Variants in MAF observed in about 807,000 individuals in gnomAD.
MAF encodes the protein transcription factor Maf.
Under a neutral mutation model 22.0 loss-of-function variants are expected in MAF, and 10 were observed. The ratio of observed to expected loss-of-function variants is 0.45; its 90% CI spans 0.28 to 0.77. The LOEUF (loss-of-function observed/expected upper bound fraction) is 0.77. Ranked by LOEUF, MAF falls within the 30% of genes least tolerant of loss-of-function variation. The pLI, the probability that MAF is intolerant of heterozygous loss-of-function variation, is 0.12. For missense variants in MAF, 544 were observed against 548.4 expected (o/e 0.99, Z 0.08); for synonymous variants, 337 against 255.8 (o/e 1.32, Z -3.03).
At chr16:79,382,958 T>C in the MAF span, among the ~76,000 whole-genome samples, 2 of 152,244 alleles carry the variant, frequency 1.3e-5, no homozygotes, top group African/African-American at 2.4e-5. Context: ...CATTCATTCA[T>C]TCATTCATTC....
chr16:79,297,862 C>T, the MAF span, among the ~76,000 whole-genome samples: 8 of 152,146 alleles, frequency 5.3e-5, no homozygotes, highest in South Asian at 2.1e-4. Context: ...TAGAGCAGGG[C>T]GCCCACACCC....
At chr16:79,340,524 C>T in the MAF span, among the ~76,000 whole-genome samples, 1 of 151,574 alleles carries the variant, frequency 6.6e-6, no homozygotes, top group African/African-American at 2.4e-5. Flanking sequence ...GACAGAAAAA[C>T]AGCCAACAGC....
At chr16:79,369,160 T>C in the MAF span, among the ~76,000 whole-genome samples, 1 of 152,198 alleles carries the variant, frequency 6.6e-6, no homozygotes, top group Admixed American at 6.5e-5. Flanking sequence ...ATGAGGCAAC[T>C]AGAAGTTAGA....
the MAF span, among the ~76,000 whole-genome samples, chr16:79,277,082 G>A: frequency 1.3e-5 from 2 of 152,076 alleles, no homozygotes; most frequent in African/African-American, 4.8e-5. Flanking sequence ...CTGTGCCCCA[G>A]GCTGGAGAGC....
the MAF span, among the ~76,000 whole-genome samples, chr16:79,462,293 G>A: frequency 6.6e-6 from 1 of 152,138 alleles, no homozygotes; most frequent in Non-Finnish European, 1.5e-5. Context: ...CCATTTTTAG[G>A]TGAGGAAACT....
At chr16:79,306,485 G>A in the MAF span, among the ~76,000 whole-genome samples, 1 of 152,288 alleles carries the variant, frequency 6.6e-6, no homozygotes, top group Non-Finnish European at 1.5e-5. Flanking sequence ...TGGCCTCCTG[G>A]TAGAGAGGAA....
chr16:79,264,840 A>C, the MAF span, among the ~76,000 whole-genome samples: 1 of 152,250 alleles, frequency 6.6e-6, no homozygotes, highest in Admixed American at 6.5e-5. Flanking sequence ...TGCCTTCGTC[A>C]TACTTTTGAG....
chr16:79,214,342 T>C, the MAF span, among the ~76,000 whole-genome samples: 1 of 152,186 alleles, frequency 6.6e-6, no homozygotes, highest in African/African-American at 2.4e-5. Flanking sequence ...ACTGAAAGAA[T>C]GATTCTGGGT....
the MAF span, among the ~76,000 whole-genome samples, chr16:79,468,923 C>A: frequency 6.6e-6 from 1 of 152,114 alleles, no homozygotes; most frequent in Non-Finnish European, 1.5e-5. Flanking sequence ...TGCCTTCAAT[C>A]AATCGTGGGC....
chr16:79,312,625 G>A, the MAF span, among the ~76,000 whole-genome samples: 1 of 152,160 alleles, frequency 6.6e-6, no homozygotes. Context: ...CCAATACCTA[G>A]GACCGTCTCT....
chr16:79,211,008 G>A, the MAF span, among the ~76,000 whole-genome samples: 2 of 147,326 alleles, frequency 1.4e-5, no homozygotes, highest in Non-Finnish European at 3.0e-5. Flanking sequence ...TTATGTGTTT[G>A]TGCTAAGTAT....
the MAF span, among the ~76,000 whole-genome samples, chr16:79,398,283 C>A: frequency 2.0e-5 from 3 of 152,154 alleles, no homozygotes; most frequent in African/African-American, 7.2e-5. Context: ...GGATAATCTC[C>A]CCAAGGTCAA....
chr16:79,366,178 T>C, the MAF span, among the ~76,000 whole-genome samples: 20 of 152,216 alleles, frequency 1.3e-4, no homozygotes, highest in Non-Finnish European at 2.2e-4. Flanking sequence ...AGCCTGGGAA[T>C]AGTATCAGGA....
the MAF span, among the ~76,000 whole-genome samples, chr16:79,340,034 G>A: frequency 6.6e-6 from 1 of 152,180 alleles, no homozygotes; most frequent in African/African-American, 2.4e-5. Context: ...ATGGACTGCA[G>A]CGTGGAAATC....
chr16:79,366,299 A>T, the MAF span, among the ~76,000 whole-genome samples: 1 of 152,238 alleles, frequency 6.6e-6, no homozygotes, highest in Non-Finnish European at 1.5e-5. Flanking sequence ...TATCTGTTGG[A>T]AACTTAAGTA....
At chr16:79,529,415 A>G in the MAF span, among the ~76,000 whole-genome samples, 7 of 152,336 alleles carry the variant, frequency 4.6e-5, no homozygotes, top group South Asian at 2.1e-4. Flanking sequence ...CATCCGCCAT[A>G]GAGAAAGTTG....
At chr16:79,254,969 G>A in the MAF span, among the ~76,000 whole-genome samples, 1 of 152,204 alleles carries the variant, frequency 6.6e-6, no homozygotes, top group East Asian at 1.9e-4. Flanking sequence ...ATTCATGAGT[G>A]TGTTGCAAAG....
At chr16:79,526,318 C>T in the MAF span, among the ~76,000 whole-genome samples, 1 of 152,150 alleles carries the variant, frequency 6.6e-6, no homozygotes, top group African/African-American at 2.4e-5. Context: ...AACCTAGATT[C>T]CTCACATGCA....
At chr16:79,230,682 G>A in the MAF span, among the ~76,000 whole-genome samples, 1 of 152,092 alleles carries the variant, frequency 6.6e-6, no homozygotes, top group African/African-American at 2.4e-5. Flanking sequence ...TATACGAAAA[G>A]AGTTGATGCA....
Sources: gnomAD v4.1 joint callset for allele counts (sites outside exome capture counted in the v4.1 genomes callset) on GRCh38, gnomAD v4.1.1 for gene constraint, MANE v1.5 for transcripts, NCBI Gene and HGNC (gene_info 2026-07-23, HGNC 2026-07-21) for gene names.